Variants in FAM110B observed in about 807,000 individuals in gnomAD.
FAM110B encodes the protein protein FAM110B.
FAM110B carries 6 observed loss-of-function variants against 20.4 expected under a neutral mutation model. That is an observed-to-expected ratio of 0.29 (90% CI 0.16 to 0.58). The LOEUF (loss-of-function observed/expected upper bound fraction) is 0.58, where lower values mean the gene tolerates loss of function less well. FAM110B is among the 20% of genes least tolerant of loss of function. The probability of loss-of-function intolerance (pLI) is 0.90; values close to 1 mark genes in which losing one functional copy is unlikely to be tolerated. For synonymous variants in FAM110B, 226 were observed against 214.1 expected (o/e 1.06, Z -0.49); for missense variants, 434 against 498.2 (o/e 0.87, Z 1.23).
At chr8:58,069,246 G>A (rs538829848) in intron 2 of FAM110B, among the ~76,000 whole-genome samples, 1 of 152,314 alleles carries the variant, frequency 6.6e-6, no homozygotes, top group South Asian at 2.1e-4. Flanking sequence ...ATATGGAGTG[G>A]TTGAGATCAC....
chr8:58,076,938 C>T (rs913252725), intron 3 of FAM110B, among the ~76,000 whole-genome samples: 8 of 152,244 alleles, frequency 5.3e-5, no homozygotes, highest in East Asian at 3.9e-4. Context: ...AGGATGTTGT[C>T]GGGTGATATG....
chr8:58,037,451 A>G (rs1805098952), intron 2 of FAM110B, among the ~76,000 whole-genome samples: 1 of 151,538 alleles, frequency 6.6e-6, no homozygotes, highest in Non-Finnish European at 1.5e-5. Context: ...GCTTGGCAAC[A>G]TAGTGAGACT....
intron 2 of FAM110B, among the ~76,000 whole-genome samples, chr8:58,033,339 G>A (rs548497719): frequency 6.6e-6 from 1 of 152,202 alleles, no homozygotes; most frequent in South Asian, 2.1e-4. Flanking sequence ...CTTTGCTATT[G>A]TGAATAGTGC....
chr8:58,054,249 A>G (rs2150582287), intron 2 of FAM110B, among the ~76,000 whole-genome samples: 1 of 152,188 alleles, frequency 6.6e-6, no homozygotes, highest in East Asian at 1.9e-4. Context: ...TTAGATCCTG[A>G]GGGGAGTGGA....
In FAM110B at chr8:58,145,200, TA is replaced by T. The variant is rs981543979; in HGVS notation, c.-324-698del. Among the ~76,000 whole-genome samples, 11 of 151,236 alleles carry T rather than the reference TA, an allele frequency of 7.3e-5. No homozygotes were observed. The East Asian group carries it at 7.7e-4, about 11-fold the overall frequency. On this transcript the variant is annotated intron_variant, in intron 3 of 3. Transcript: ENST00000519262. ...AGTATTTCTATGGATCTTCTAATGTTAAAAAAAAATAAGCTTGTGTTTAATG... is the reference window on the plus strand; with the variant it reads ...AGTATTTCTATGGATCTTCTAATGTTAAAAAAAATAAGCTTGTGTTTAATG...
At chr8:58,082,476 A>T (rs1400163306) in intron 3 of FAM110B, among the ~76,000 whole-genome samples, 1 of 152,206 alleles carries the variant, frequency 6.6e-6, no homozygotes, top group Non-Finnish European at 1.5e-5. Context: ...CTATGTCCTC[A>T]GAGTTCCTTA....
At chr8:58,104,195 T>C (rs1806853558) in intron 3 of FAM110B, among the ~76,000 whole-genome samples, 2 of 152,214 alleles carry the variant, frequency 1.3e-5, no homozygotes, top group Admixed American at 1.3e-4. Context: ...TATGGAATCA[T>C]GTGGTTGAAA....
chr8:57,999,721 A>G (rs1256984636), intron 1 of FAM110B, among the ~76,000 whole-genome samples: 2 of 152,174 alleles, frequency 1.3e-5, no homozygotes, highest in Admixed American at 1.3e-4. Flanking sequence ...TATTGTGTAA[A>G]GTGGGAAAAT....
At position 58,147,665 on chromosome 8, in the gene FAM110B, G is replaced by A. The variant is rs578159435; in HGVS notation, c.*322G>A. On this transcript the variant is annotated 3_prime_UTR_variant, in exon 4 of 4. Transcript: ENST00000519262. ...TGGTTCTTGTGTTTTTATATCCCGC[G>A]CTATTGTGTCTTAATTAAAAGTTTT... The A allele has an allele frequency of 3.1e-5, 9 of 288,236 alleles. No homozygotes were observed. The East Asian group carries it at 4.7e-4, about 15-fold the overall frequency. 17.9% of individuals were successfully genotyped at this position (288,236 alleles called of 1,614,324 possible).
chr8:58,133,937 T>A (rs1803550779), intron 3 of FAM110B, among the ~76,000 whole-genome samples: 1 of 152,226 alleles, frequency 6.6e-6, no homozygotes, highest in South Asian at 2.1e-4. Context: ...CAAAAATATA[T>A]TTCAAGTGCA....
chr8:58,005,671 G>T (rs1804389229), intron 1 of FAM110B, among the ~76,000 whole-genome samples: 1 of 152,136 alleles, frequency 6.6e-6, no homozygotes, highest in African/African-American at 2.4e-5. Context: ...TCTCTGTAAG[G>T]TGCACATGGA....
Position 58,006,923 on chromosome 8 carries a change from A to ATATATATTATTTTTTTT in FAM110B, c.-512+12118_-512+12119insATATATTATTTTTTTTT. 2.4e-5 allele frequency among the ~76,000 whole-genome samples: 3 copies of ATATATATTATTTTTTTT among 126,536 alleles called. 1 individual carries two copies. In the East Asian group the frequency reaches 7.4e-4, roughly 31 times the overall value. 83.0% of individuals were successfully genotyped at this position (126,536 alleles called of 152,430 possible). On this transcript the variant is annotated intron_variant, in intron 1 of 3. Transcript: ENST00000519262. ...TTGGTATATATATATATATATATATATTTTTCCAAAACCAGAGTTTGCATT... is the reference window on the plus strand; with the variant it reads ...TTGGTATATATATATATATATATATATATATATTATTTTTTTTTTTTTCCAAAACCAGAGTTTGCATT...
chr8:58,077,507 G>T (rs1341734656), intron 3 of FAM110B, among the ~76,000 whole-genome samples: 1 of 152,222 alleles, frequency 6.6e-6, no homozygotes, highest in East Asian at 1.9e-4. Flanking sequence ...GAGTTGAGTA[G>T]ACCTGGCCTT....
At chr8:58,137,516 C>T (rs539720758) in intron 3 of FAM110B, among the ~76,000 whole-genome samples, 4 of 152,116 alleles carry the variant, frequency 2.6e-5, no homozygotes, top group Admixed American at 6.5e-5. Flanking sequence ...GCTAAGATTG[C>T]GCCATTGCAC....
rs185514511 is a variant in FAM110B, at chr8:58,090,405, C to T, written c.-325+14782C>T. ...CAAACTCCTAAGCTCAGGCAGTTTG[C>T]CTGCCTCAGCCTCCCAAAGTGCTGG... On this transcript the variant is annotated intron_variant, in intron 3 of 3. Coordinates refer to ENST00000519262, the MANE Select transcript of FAM110B (RefSeq NM_001377989.1). Among the ~76,000 whole-genome samples the T allele has an allele frequency of 6.3e-4, 96 of 152,318 alleles. 2 individuals are homozygous for T. In the Middle Eastern group the frequency reaches 0.017, roughly 27 times the overall value.
At chr8:58,104,185 T>C (rs1806853083) in intron 3 of FAM110B, among the ~76,000 whole-genome samples, 1 of 152,188 alleles carries the variant, frequency 6.6e-6, no homozygotes, top group African/African-American at 2.4e-5. Context: ...GGCAGTGTAA[T>C]ATGGAATCAT....
intron 2 of FAM110B, among the ~76,000 whole-genome samples, chr8:58,038,526 T>G (rs149191438): frequency 1.3e-5 from 2 of 152,174 alleles, no homozygotes; most frequent in Admixed American, 6.5e-5. Flanking sequence ...CCAAGGCAAG[T>G]GGATCACTTG....
At chr8:58,112,088 G>T (rs1216647458) in intron 3 of FAM110B, among the ~76,000 whole-genome samples, 2 of 152,144 alleles carry the variant, frequency 1.3e-5, no homozygotes, top group African/African-American at 4.8e-5. Context: ...ACTTTGGGAG[G>T]CCAAGGTGGG....
At chr8:58,080,410 TAGG>T (rs1298472635) in intron 3 of FAM110B, among the ~76,000 whole-genome samples, 2 of 152,144 alleles carry the variant, frequency 1.3e-5, no homozygotes, top group African/African-American at 2.4e-5. Flanking sequence ...AAGAGACTGT[TAGG>T]AGGACACAGG....
Sources: allele counts gnomAD v4.1 joint callset (sites outside exome capture counted in the v4.1 genomes callset), GRCh38; gene constraint gnomAD v4.1.1; transcripts MANE v1.5; gene names NCBI Gene and HGNC (gene_info 2026-07-23, HGNC 2026-07-21).